XKR9: variants seen among roughly 807,000 people sequenced by gnomAD.
The protein encoded by XKR9 is XK related 9.
Under a neutral mutation model 32.0 loss-of-function variants are expected in XKR9, and 32 were observed. That is an observed-to-expected ratio of 1.00 (90% CI 0.76 to 1.34). The LOEUF is 1.34. XKR9 is among the 40% of genes most tolerant of loss of function. XKR9 has a pLI of 0.00. For missense variants in XKR9, 546 were observed against 429.7 expected (o/e 1.27, Z -2.39); for synonymous variants, 168 against 143.4 (o/e 1.17, Z -1.22).
chr8:70,888,999 A>T, the XKR9 span, among the ~76,000 whole-genome samples: 3 of 151,884 alleles, frequency 2.0e-5, no homozygotes, highest in African/African-American at 7.2e-5. Flanking sequence ...TGTTATTGGT[A>T]TTTGCATAGG....
the XKR9 span, among the ~76,000 whole-genome samples, chr8:70,864,035 A>G: frequency 1.3e-5 from 2 of 152,164 alleles, no homozygotes; most frequent in African/African-American, 4.8e-5. Flanking sequence ...ATTTGCACAT[A>G]TTAATACTTA....
chr8:70,942,135 A>T, the XKR9 span, among the ~76,000 whole-genome samples: 1 of 152,128 alleles, frequency 6.6e-6, no homozygotes, highest in Admixed American at 6.6e-5. Flanking sequence ...ATTTTCACTT[A>T]TAACTTTGTC....
At chr8:71,007,597 A>C in the XKR9 span, among the ~76,000 whole-genome samples, 3 of 152,192 alleles carry the variant, frequency 2.0e-5, no homozygotes, top group Non-Finnish European at 4.4e-5. Context: ...AAAAGGGGTC[A>C]AAGGTGAAAA....
At chr8:70,758,185 CCTACGTTGTTAAGCCT>C (rs67454813) in intron 2 of XKR9, among the ~76,000 whole-genome samples, 50,145 of 151,850 alleles carry the variant, frequency 0.33, 9,397 homozygotes, top group Non-Finnish European at 0.43. Context: ...GACCCCTGCC[CCTACGTTGTTAAGCCT>C]CTGATGTCGT....
the XKR9 span, among the ~76,000 whole-genome samples, chr8:71,040,270 A>C: frequency 6.6e-6 from 1 of 152,162 alleles, no homozygotes; most frequent in Non-Finnish European, 1.5e-5. Flanking sequence ...AAGAAGGGGA[A>C]GAGGAAGTGA....
chr8:70,915,692 T>G, the XKR9 span, among the ~76,000 whole-genome samples: 2 of 152,202 alleles, frequency 1.3e-5, no homozygotes, highest in African/African-American at 4.8e-5. Flanking sequence ...ATTTAATTGA[T>G]CCAGTATCAT....
the XKR9 span, among the ~76,000 whole-genome samples, chr8:71,039,653 T>A: frequency 6.6e-6 from 1 of 152,138 alleles, no homozygotes; most frequent in Non-Finnish European, 1.5e-5. Context: ...CAAACAATGT[T>A]TTTTAGTAGA....
chr8:70,915,597 G>A, the XKR9 span, among the ~76,000 whole-genome samples: 1 of 151,826 alleles, frequency 6.6e-6, no homozygotes, highest in African/African-American at 2.4e-5. Context: ...GATTTTTATT[G>A]CTTTTTCATA....
chr8:70,774,547 A>T (rs1218292996), intron 2 of XKR9, among the ~76,000 whole-genome samples: 7 of 152,156 alleles, frequency 4.6e-5, no homozygotes, highest in African/African-American at 1.7e-4. Context: ...TTCAACATTT[A>T]GATCTATAGG....
the XKR9 span, among the ~76,000 whole-genome samples, chr8:71,033,082 CAA>C: frequency 8.7e-4 from 100 of 115,314 alleles, no homozygotes; most frequent in South Asian, 1.7e-3. Context: ...GATTACATCT[CAA>C]AAAAAAAAAA....
chr8:70,984,877 A>T, the XKR9 span, among the ~76,000 whole-genome samples: 1 of 152,218 alleles, frequency 6.6e-6, no homozygotes, highest in Non-Finnish European at 1.5e-5. Context: ...AAGTCTGTAA[A>T]ATGTAACATC....
the XKR9 span, among the ~76,000 whole-genome samples, chr8:70,863,178 A>T: frequency 6.6e-6 from 1 of 152,214 alleles, no homozygotes; most frequent in Non-Finnish European, 1.5e-5. Context: ...AGAGAATCTC[A>T]GGCCATGGCT....
rs531482269 is a variant in XKR9 at position 70,670,621 on chromosome 8, C to T, written c.-361+1083C>T. On this transcript the variant is annotated intron_variant, in intron 1 of 4. Transcript: ENST00000408926. ...ATCTGCTCTTACCTATTTTATGAAT[C>T]AGCAGCATAGTGTATCAGAGTGGCT... 10 of 151,784 alleles carry T rather than the reference C, an allele frequency of 6.6e-5. 1 individual carries two copies. In the East Asian group the frequency reaches 1.9e-3, roughly 29 times the overall value. 9.4% of individuals were successfully genotyped at this position (151,784 alleles called of 1,614,324 possible). A position where few individuals can be genotyped will look rare whatever the true frequency, so the allele number is the denominator to read the frequency against.
chr8:71,002,173 T>C, the XKR9 span, among the ~76,000 whole-genome samples: 1 of 152,030 alleles, frequency 6.6e-6, no homozygotes, highest in Admixed American at 6.6e-5. Context: ...ATATAAGGAA[T>C]TGGCTGTCAT....
At chr8:71,038,481 T>C in the XKR9 span, among the ~76,000 whole-genome samples, 1 of 151,348 alleles carries the variant, frequency 6.6e-6, no homozygotes, top group African/African-American at 2.4e-5. Flanking sequence ...CCACCACACC[T>C]GGCTAATTTT....
At chr8:71,045,644 G>A in the XKR9 span, among the ~76,000 whole-genome samples, 7 of 152,322 alleles carry the variant, frequency 4.6e-5, no homozygotes, top group Admixed American at 1.3e-4. Flanking sequence ...TGTGCCACGC[G>A]CAGTTCCAGG....
At chr8:70,760,861 C>T (rs1807299477) in intron 2 of XKR9, among the ~76,000 whole-genome samples, 1 of 152,120 alleles carries the variant, frequency 6.6e-6, no homozygotes, top group African/African-American at 2.4e-5. Context: ...CCTGTTCTTC[C>T]TCCCACCCTC....
At chr8:70,771,805 G>A (rs186831186) in intron 2 of XKR9, among the ~76,000 whole-genome samples, 18 of 152,268 alleles carry the variant, frequency 1.2e-4, no homozygotes, top group Non-Finnish European at 1.8e-4. Context: ...GTTTCTTGAG[G>A]TTTGGGTGAA....
the XKR9 span, among the ~76,000 whole-genome samples, chr8:71,050,298 T>TATAGATATAGATATAG: frequency 2.2e-5 from 2 of 92,800 alleles, no homozygotes; most frequent in East Asian, 1.1e-3. Context: ...TATAGATATA[T>TATAGATATAGATATAG]ATATAGATAT....
Sources: allele counts gnomAD v4.1 joint callset (sites outside exome capture counted in the v4.1 genomes callset), GRCh38; gene constraint gnomAD v4.1.1; transcripts MANE v1.5; gene names NCBI Gene and HGNC (gene_info 2026-07-23, HGNC 2026-07-21).